AIDA: variants seen among roughly 807,000 people sequenced by gnomAD.
AIDA encodes the protein axin interactor, dorsalization associated, also known as axin interactor, dorsalization-associated protein.
A neutral mutation model predicts 42.7 loss-of-function variants in AIDA; 18 were observed. The observed-to-expected ratio is 0.42, with a 90% CI of 0.29 to 0.63. AIDA has a LOEUF of 0.63. Among genes scored for constraint, AIDA ranks in the 20% least tolerant of loss-of-function variants. The probability of loss-of-function intolerance (pLI) is 0.19; values close to 1 mark genes in which losing one functional copy is unlikely to be tolerated. For missense variants in AIDA, 250 were observed against 354.1 expected (o/e 0.71, Z 2.36); for synonymous variants, 104 against 122.9 (o/e 0.85, Z 1.02).
intron 1 of AIDA, among the ~76,000 whole-genome samples, chr1:222,705,562 A>T (rs1655816128): frequency 6.6e-6 from 1 of 152,206 alleles, no homozygotes; most frequent in African/African-American, 2.4e-5. Flanking sequence ...GAAAGGAAGG[A>T]TGCTTGATTC....
intron 4 of AIDA, among the ~76,000 whole-genome samples, chr1:222,689,190 C>A (rs1655278161): frequency 6.6e-6 from 1 of 151,690 alleles, no homozygotes; most frequent in South Asian, 2.1e-4. Flanking sequence ...GTAATCCCAG[C>A]ACTTTGGGAG....
At chr1:222,711,974 A>G in intron 1 of AIDA, 1 of 552,346 alleles carries the variant, frequency 1.8e-6, no homozygotes, top group Non-Finnish European at 3.2e-6. Flanking sequence ...TGTTGAATGG[A>G]ACTGTCCCTG....
At chr1:222,707,072 T>C (rs1217237734) in intron 1 of AIDA, among the ~76,000 whole-genome samples, 1 of 152,004 alleles carries the variant, frequency 6.6e-6, no homozygotes, top group African/African-American at 2.4e-5. Context: ...TCTTGGTAAA[T>C]TTCACTAAAA....
chr1:222,705,240 C>T (rs1655808365), intron 1 of AIDA, among the ~76,000 whole-genome samples: 1 of 152,234 alleles, frequency 6.6e-6, no homozygotes, highest in African/African-American at 2.4e-5. Context: ...CATTCATAGA[C>T]TCACTTTTTG....
intron 4 of AIDA, among the ~76,000 whole-genome samples, chr1:222,692,755 A>G (rs1655404172): frequency 6.6e-6 from 1 of 152,224 alleles, no homozygotes; most frequent in Admixed American, 6.5e-5. Flanking sequence ...AAGATGGGAC[A>G]TCTGAGGGAC....
intron 2 of AIDA, among the ~76,000 whole-genome samples, chr1:222,695,354 T>C (rs2124962677): frequency 6.6e-6 from 1 of 152,294 alleles, no homozygotes; most frequent in African/African-American, 2.4e-5. Context: ...TAGCCAGGTA[T>C]GGTTGCACAT....
At position 222,689,220 on chromosome 1, in the gene AIDA, T is replaced by A. The variant is rs535175686; in HGVS notation, c.290-1562A>T. Among the ~76,000 whole-genome samples, 9 of 151,782 alleles carry A rather than the reference T, an allele frequency of 5.9e-5. No homozygotes were observed. In the South Asian group the frequency reaches 1.5e-3, roughly 25 times the overall value. ...TGGGAGGCTGAGGCAGATGGATCCCTGGCAGACAGGAGTTTGAGACCAGCC... is the reference window on the plus strand; with the variant it reads ...TGGGAGGCTGAGGCAGATGGATCCCAGGCAGACAGGAGTTTGAGACCAGCC... On this transcript the variant is annotated intron_variant, in intron 4 of 9. Coordinates refer to ENST00000340020, the MANE Select transcript of AIDA (RefSeq NM_022831.4).
intron 4 of AIDA, among the ~76,000 whole-genome samples, chr1:222,688,109 A>C (rs548900656): frequency 6.6e-6 from 1 of 152,248 alleles, no homozygotes; most frequent in Admixed American, 6.5e-5. Context: ...GGTCCCAGCT[A>C]CTCAGGAGGC....
intron 4 of AIDA, among the ~76,000 whole-genome samples, chr1:222,690,452 T>C (rs1261588347): frequency 6.6e-6 from 1 of 152,184 alleles, no homozygotes; most frequent in Non-Finnish European, 1.5e-5. Context: ...CTACTCGTGA[T>C]TACATTAAAG....
At chr1:222,681,293 C>T (rs1211310681) in intron 6 of AIDA, among the ~76,000 whole-genome samples, 1 of 152,180 alleles carries the variant, frequency 6.6e-6, no homozygotes, top group East Asian at 1.9e-4. Flanking sequence ...AAAATTCTCA[C>T]AAATAAAATG....
At chr1:222,672,512 G>C (rs888625877) in intron 8 of AIDA, among the ~76,000 whole-genome samples, 1 of 152,132 alleles carries the variant, frequency 6.6e-6, no homozygotes, top group Non-Finnish European at 1.5e-5. Flanking sequence ...CCATGGTTTC[G>C]GATTCAGGAT....
At chr1:222,686,411 T>C (rs991992493) in intron 6 of AIDA, among the ~76,000 whole-genome samples, 3 of 152,216 alleles carry the variant, frequency 2.0e-5, no homozygotes, top group African/African-American at 4.8e-5. Flanking sequence ...TTGTGGTCTG[T>C]GCCAGGCAGA....
At chr1:222,682,133 A>T (rs183576720) in intron 6 of AIDA, among the ~76,000 whole-genome samples, 1 of 152,320 alleles carries the variant, frequency 6.6e-6, no homozygotes, top group East Asian at 1.9e-4. Context: ...GAGAAGAGGA[A>T]GGCTGCCATT....
intron 7 of AIDA, 56 bp downstream of exon 7, chr1:222,676,040 G>A: frequency 6.6e-7 from 1 of 1,511,742 alleles, no homozygotes; most frequent in Non-Finnish European, 8.8e-7. Context: ...TGTCCCAAAT[G>A]AGAAGCAACA....
chr1:222,707,310 A>C (rs1337126240), intron 1 of AIDA, among the ~76,000 whole-genome samples: 2 of 152,104 alleles, frequency 1.3e-5, no homozygotes, highest in Non-Finnish European at 2.9e-5. Flanking sequence ...GGCGTGTACC[A>C]CCACACAAGG....
chr1:222,695,779 C>T (rs1655502693), intron 2 of AIDA, among the ~76,000 whole-genome samples: 1 of 152,054 alleles, frequency 6.6e-6, no homozygotes, highest in Non-Finnish European at 1.5e-5. Context: ...TGCACAATGT[C>T]TGCAATGCCT....
At chr1:222,686,245 T>C (rs1463542985) in intron 6 of AIDA, among the ~76,000 whole-genome samples, 1 of 152,214 alleles carries the variant, frequency 6.6e-6, no homozygotes, top group Non-Finnish European at 1.5e-5. Context: ...CTGTTATTCT[T>C]AGAAAACCTC....
chr1:222,695,916 G>C (rs749984784), intron 2 of AIDA, among the ~76,000 whole-genome samples: 27 of 152,142 alleles, frequency 1.8e-4, no homozygotes, highest in Non-Finnish European at 3.2e-4. Context: ...GGTGAATAAG[G>C]AGCAAATTGG....
chr1:222,673,413 A>G lies in AIDA; in HGVS notation c.606T>C (p.Thr202=). 1 of 1,604,026 alleles carries G rather than the reference A, an allele frequency of 6.2e-7. No individual in the cohort carries two copies. Among genetic ancestry groups the G allele is most frequent in the Non-Finnish European group, 8.5e-7 (1 of 1,174,734 alleles). ...SVKDLNGIDL[T]PVQDTPVASR... ...AAGCCACAGGAGTATCTTGCACAGG[A>G]GTTAAGTCTATGCCATTCAGATCTA... is the stretch of plus-strand genomic sequence containing the variant. Residue 202 remains threonine, a synonymous_variant, in exon 8 of 10, where the codon ACT becomes ACC. Coordinates refer to ENST00000340020, the MANE Select transcript of AIDA (RefSeq NM_022831.4).
Sources: allele counts gnomAD v4.1 joint callset (sites outside exome capture counted in the v4.1 genomes callset), GRCh38; gene constraint gnomAD v4.1.1; transcripts MANE v1.5; gene names NCBI Gene and HGNC (gene_info 2026-07-23, HGNC 2026-07-21).